Variants in POLR3B observed in about 807,000 individuals in gnomAD.
POLR3B encodes the protein RNA polymerase III subunit B.
Under a neutral mutation model 147.4 loss-of-function variants are expected in POLR3B, and 96 were observed. The ratio of observed to expected loss-of-function variants is 0.65; its 90% CI spans 0.55 to 0.77. The LOEUF (loss-of-function observed/expected upper bound fraction) is 0.77. Ranked by LOEUF, POLR3B falls within the 30% of genes least tolerant of loss-of-function variation. The pLI, the probability that POLR3B is intolerant of heterozygous loss-of-function variation, is 0.00. For synonymous variants in POLR3B, 461 were observed against 485.9 expected, an observed-to-expected ratio of 0.95 and a Z score of 0.67; for missense variants, 1,036 against 1,413.5, an observed-to-expected ratio of 0.73 and a Z score of 4.28.
At chr12:106,479,723 T>C (rs1020531841) in intron 23 of POLR3B, among the ~76,000 whole-genome samples, 1 of 151,996 alleles carries the variant, frequency 6.6e-6, no homozygotes, top group African/African-American at 2.4e-5. Flanking sequence ...TTTTTAGTTT[T>C]CTTTGAGTTT....
intron 12 of POLR3B, among the ~76,000 whole-genome samples, chr12:106,421,320 G>T (rs2037370838): frequency 6.6e-6 from 1 of 151,932 alleles, no homozygotes; most frequent in South Asian, 2.1e-4. Flanking sequence ...GCCTAGTCAT[G>T]GAGTCAGAGT....
chr12:106,445,014 G>T (rs1228713542), intron 19 of POLR3B, among the ~76,000 whole-genome samples: 8 of 152,190 alleles, frequency 5.3e-5, no homozygotes, highest in Non-Finnish European at 8.8e-5. Context: ...GTAATTGCCT[G>T]ATTGACAATC....
chr12:106,397,779 A>G (rs565410609), intron 10 of POLR3B, among the ~76,000 whole-genome samples: 11 of 152,366 alleles, frequency 7.2e-5, no homozygotes, highest in African/African-American at 2.2e-4. Flanking sequence ...GTAATTATAA[A>G]TAAGACTGTA....
chr12:106,457,092 C>G lies in POLR3B; in HGVS notation c.2294-46C>G, dbSNP rs997323303. 6 of 1,539,778 alleles carry G rather than the reference C, an allele frequency of 3.9e-6. No individual in the cohort carries two copies. In the African/African-American group the frequency reaches 8.2e-5, roughly 21 times the overall value. The stretch of plus-strand genomic sequence containing the variant: ...AGCACAAATCCATATTTCCTTATAG[C>G]TTTGGGTTACTGGTGGTTCTAATGC... On this transcript the variant is annotated intron_variant, in intron 20 of 27. Transcript: ENST00000228347.
At chr12:106,492,696 A>G (rs796260182) in intron 23 of POLR3B, among the ~76,000 whole-genome samples, 3 of 152,236 alleles carry the variant, frequency 2.0e-5, no homozygotes, top group African/African-American at 7.2e-5. Context: ...TGTCTGAAGC[A>G]TGATACAGAG....
chr12:106,467,217 G>A (rs531827088), intron 23 of POLR3B, among the ~76,000 whole-genome samples: 41 of 152,200 alleles, frequency 2.7e-4, no homozygotes, highest in Middle Eastern at 3.4e-3. Context: ...TGAAGCAATT[G>A]TGAATGGGAG....
chr12:106,457,147 G>A lies in POLR3B; in HGVS notation c.2303G>A (p.Arg768His), dbSNP rs267608687. 6.3e-5 allele frequency: 102 copies of A among 1,612,764 alleles called. No homozygotes were observed. In the South Asian group the frequency reaches 6.6e-4, roughly 10 times the overall value. Residue 768 changes from arginine to histidine, a missense_variant, in exon 21 of 28, where the codon CGT (arginine) becomes CAT (histidine). By Grantham distance (29) the Arg-to-His change is conservative (BLOSUM62 0). Transcript: ENST00000228347. ...CTTGGTTTCATTTTAGGCTTTGGGC[G>A]TTGCCTTGTATATAAAAATGCTAAA... is the stretch of plus-strand genomic sequence containing the variant. ...NKASLDRGFG[R>H]CLVYKNAKCT...
chr12:106,360,584 T>G (rs1179129138), intron 1 of POLR3B, among the ~76,000 whole-genome samples: 6 of 152,242 alleles, frequency 3.9e-5, no homozygotes, highest in African/African-American at 1.4e-4. Flanking sequence ...TTCAGTGTTT[T>G]CGCTGCAACT....
chr12:106,409,407 C>T (rs1332627270), intron 11 of POLR3B, among the ~76,000 whole-genome samples: 1 of 103,104 alleles, frequency 9.7e-6, no homozygotes, highest in Admixed American at 1.1e-4. Context: ...TTTTTAAAGA[C>T]CTTCTTATTG....
intron 23 of POLR3B, among the ~76,000 whole-genome samples, chr12:106,487,063 C>T (rs2038350669): frequency 1.3e-5 from 2 of 152,200 alleles, no homozygotes; most frequent in East Asian, 1.9e-4. Context: ...AATAACCCAG[C>T]GCTTAGTGTG....
Position 106,366,500 on chromosome 12 carries a change from C to T in POLR3B, c.106-16C>T. ...ACTTTTGCTAACCTGTTTACTTTCT[C>T]TTTCTATCTGTTTAGGTGAAAGGCC... On this transcript the variant is annotated splice_polypyrimidine_tract_variant and intron_variant, in intron 2 of 27. Coordinates refer to ENST00000228347, the MANE Select transcript of POLR3B (RefSeq NM_018082.6). 1.9e-6 allele frequency: 3 copies of T among 1,588,114 alleles called. No homozygotes were observed. In the South Asian group the frequency reaches 3.3e-5, roughly 18 times the overall value.
At chr12:106,358,268 A>C (rs943601727) in intron 1 of POLR3B, 2 of 1,311,978 alleles carry the variant, frequency 1.5e-6, no homozygotes, top group African/African-American at 3.0e-5. Flanking sequence ...TGGGGGACGT[A>C]TTGCATGTTT....
intron 4 of POLR3B, among the ~76,000 whole-genome samples, chr12:106,367,017 C>T (rs1593000211): frequency 6.6e-6 from 1 of 152,074 alleles, no homozygotes; most frequent in South Asian, 2.1e-4. Context: ...GCAGGAGAAT[C>T]GCTTGAATCT....
intron 27 of POLR3B, chr12:106,507,551 C>A: frequency 7.7e-6 from 2 of 258,868 alleles, no homozygotes; most frequent in Non-Finnish European, 1.5e-5. Flanking sequence ...TCAACCCAAG[C>A]ACATTAAAAA....
chr12:106,372,631 A>C (rs1474415784), intron 6 of POLR3B, among the ~76,000 whole-genome samples: 1 of 151,964 alleles, frequency 6.6e-6, no homozygotes. Context: ...ACGAACTACC[A>C]TGCGTGGCCA....
intron 12 of POLR3B, among the ~76,000 whole-genome samples, chr12:106,423,938 C>A (rs1031226727): frequency 2.0e-5 from 3 of 151,778 alleles, no homozygotes; most frequent in African/African-American, 4.8e-5. Flanking sequence ...CTCATTGCAG[C>A]CTCCGCCTCC....
intron 12 of POLR3B, among the ~76,000 whole-genome samples, chr12:106,423,410 T>G (rs2037396556): frequency 1.3e-5 from 2 of 152,140 alleles, no homozygotes; most frequent in Admixed American, 6.5e-5. Context: ...AATAGGCACA[T>G]GTGATTATGG....
At chr12:106,417,587 A>G (rs543053179) in intron 12 of POLR3B, among the ~76,000 whole-genome samples, 1 of 152,350 alleles carries the variant, frequency 6.6e-6, no homozygotes, top group Non-Finnish European at 1.5e-5. Flanking sequence ...ATCACAGCAG[A>G]TAGTACCACA....
chr12:106,457,109 T>C, intron 20 of POLR3B, 29 bp from the exon 21 acceptor site: 1 of 1,601,712 alleles, frequency 6.2e-7, no homozygotes, highest in Non-Finnish European at 8.6e-7. Context: ...TTACTGGTGG[T>C]TCTAATGCCC....
Sources: allele counts gnomAD v4.1 joint callset (sites outside exome capture counted in the v4.1 genomes callset), GRCh38; gene constraint gnomAD v4.1.1; transcripts MANE v1.5; gene names NCBI Gene and HGNC (gene_info 2026-07-23, HGNC 2026-07-21).